Variants in TMEM220 observed in about 807,000 individuals in gnomAD.
TMEM220 encodes transmembrane protein 220.
Under a neutral mutation model 21.7 loss-of-function variants are expected in TMEM220, and 21 were observed. That is an observed-to-expected ratio of 0.97 (90% CI 0.69 to 1.39). The LOEUF (loss-of-function observed/expected upper bound fraction) is 1.39, where lower values mean the gene tolerates loss of function less well. Among genes scored for constraint, TMEM220 ranks in the 40% most tolerant of loss-of-function variants. The pLI is 0.00. For missense variants in TMEM220, 191 were observed against 201.9 expected (o/e 0.95, Z 0.33); for synonymous variants, 80 against 73.6 (o/e 1.09, Z -0.45).
At chr17:10,726,113 C>T (rs959334339) in intron 3 of TMEM220, 91 bp downstream of exon 3, 7 of 1,021,802 alleles carry the variant, frequency 6.9e-6, no homozygotes, top group African/African-American at 1.6e-5. Context: ...TAGAGAGCCC[C>T]GTTTTACTCC....
chr17:10,720,499 A>G (rs920774860), intron 5 of TMEM220, among the ~76,000 whole-genome samples: 1 of 152,228 alleles, frequency 6.6e-6, no homozygotes, highest in South Asian at 2.1e-4. Flanking sequence ...CCACTGAAAA[A>G]TCATGGAAGG....
At position 10,730,002 on chromosome 17, in the gene TMEM220, C is replaced by T; in HGVS notation, c.-151G>A. ...GGGGACACTGCCGTGGCCGTCGCTC[C>T]GCCCGGGGGCGGGGAGCGAAGGGCG... is the stretch of plus-strand genomic sequence containing the variant. On this transcript the variant is annotated 5_prime_UTR_variant, in exon 1 of 6. Coordinates refer to ENST00000341871, the MANE Select transcript of TMEM220 (RefSeq NM_001004313.3). The T allele has an allele frequency of 9.3e-7, 1 of 1,074,120 alleles. No homozygotes were observed. The highest frequency in any genetic ancestry group is 1.1e-6 in the Non-Finnish European group (1 of 916,220). The allele number at this position is 1,074,120 out of a possible 1,614,324, so 66.5% of individuals were successfully genotyped here. A position where few individuals can be genotyped will look rare whatever the true frequency, so the allele number is the denominator to read the frequency against.
rs1008145739 is a variant in TMEM220, at chr17:10,713,696, T to C, written c.*1757A>G. 1 of 152,214 alleles carries C rather than the reference T, an allele frequency of 6.6e-6. No homozygotes were observed. The highest frequency in any genetic ancestry group is 2.4e-5 in the African/African-American group (1 of 41,454). 9.4% of individuals were successfully genotyped at this position (152,214 alleles called of 1,614,324 possible). On this transcript the variant is annotated 3_prime_UTR_variant, in exon 6 of 6. Transcript: ENST00000341871. ...ACCCTTAAGTTTCACTTTGACTGTT[T>C]TAATATCAACTAGATTTGTTTTCCC...
Position 10,717,053 on chromosome 17 carries a change from A to G in TMEM220, c.348-1465T>C, listed in dbSNP as rs184115832. On this transcript the variant is annotated intron_variant, in intron 5 of 5. Coordinates refer to ENST00000341871, the MANE Select transcript of TMEM220 (RefSeq NM_001004313.3). ...CTGATCCAGTGATCATACAAAATTC[A>G]CTTATTCTAGTAATTTTTTAGATTC... 4.6e-4 allele frequency among the ~76,000 whole-genome samples: 70 copies of G among 152,368 alleles called. 1 individual carries two copies. The highest frequency in any genetic ancestry group is 1.9e-4 in the Non-Finnish European group (13 of 68,032).
chr17:10,728,955 G>A (rs1459831943), intron 2 of TMEM220, 76 bp downstream of exon 2: 1 of 1,495,798 alleles, frequency 6.7e-7, no homozygotes, highest in Non-Finnish European at 9.3e-7. Flanking sequence ...GAGGGGTAAA[G>A]ACATAAAACC....
rs1189805164 is a variant in TMEM220 at position 10,714,898 on chromosome 17, G to C, written c.*555C>G. On this transcript the variant is annotated 3_prime_UTR_variant, in exon 6 of 6. Coordinates refer to ENST00000341871, the MANE Select transcript of TMEM220 (RefSeq NM_001004313.3). ...GATCATGCCACTGCACTCCAGCCTGGGCAATAGAGTGGGACTGTCTTAAAA... is the reference window on the plus strand; with the variant it reads ...GATCATGCCACTGCACTCCAGCCTGCGCAATAGAGTGGGACTGTCTTAAAA... 1 of 147,944 alleles carries C rather than the reference G, an allele frequency of 6.8e-6. No homozygotes were observed. Among genetic ancestry groups the C allele is most frequent in the African/African-American group, 2.6e-5 (1 of 38,796 alleles). 9.2% of individuals were successfully genotyped at this position (147,944 alleles called of 1,614,324 possible). A position where few individuals can be genotyped will look rare whatever the true frequency, so the allele number is the denominator to read the frequency against.
At chr17:10,721,293 TCACG>T (rs1443725857) in intron 5 of TMEM220, among the ~76,000 whole-genome samples, 1 of 152,144 alleles carries the variant, frequency 6.6e-6, no homozygotes, top group Non-Finnish European at 1.5e-5. Flanking sequence ...ACAATAACTG[TCACG>T]GACTGAAACA....
rs2074885877 is a variant in TMEM220 at position 10,714,539 on chromosome 17, C to T, written c.*914G>A. 1 of 152,332 alleles carries T rather than the reference C, an allele frequency of 6.6e-6. No homozygotes were observed. The highest frequency in any genetic ancestry group is 1.9e-4 in the East Asian group (1 of 5,184). The allele number at this position is 152,332 out of a possible 1,614,324, so 9.4% of individuals were successfully genotyped here. On this transcript the variant is annotated 3_prime_UTR_variant, in exon 6 of 6. Transcript: ENST00000341871. ...AATTCCTTTATTCTATCCAGCTTCC[C>T]TTTCTTTCCAAGACATGCCTGCTCA...
intron 5 of TMEM220, chr17:10,716,004 A>G: frequency 2.0e-6 from 1 of 504,124 alleles, no homozygotes; most frequent in East Asian, 4.8e-5. Context: ...CTGCCCTGAC[A>G]CAAAATGTTC....
intron 2 of TMEM220, among the ~76,000 whole-genome samples, chr17:10,727,192 AT>A (rs900650854): frequency 4.9e-4 from 61 of 125,630 alleles, no homozygotes; most frequent in African/African-American, 1.6e-3. Context: ...TTTTTTGGAG[AT>A]GGGGGGGGTC....
intron 2 of TMEM220, among the ~76,000 whole-genome samples, chr17:10,728,563 G>A (rs900985434): frequency 5.9e-5 from 9 of 152,126 alleles, no homozygotes; most frequent in African/African-American, 2.2e-4. Context: ...CACCCGCCTT[G>A]GCCTCCCAGA....
intron 2 of TMEM220, 113 bp downstream of exon 2, chr17:10,728,918 A>T: frequency 8.5e-7 from 1 of 1,177,872 alleles, no homozygotes. Flanking sequence ...TTTGATTTTT[A>T]AGTTTCTCAG....
intron 2 of TMEM220, 95 bp from the exon 3 acceptor site, chr17:10,726,359 G>A: frequency 1.0e-6 from 1 of 992,472 alleles, no homozygotes; most frequent in Non-Finnish European, 1.6e-6. Flanking sequence ...GATGAGATCA[G>A]TGGCTGCTGT....
intron 2 of TMEM220, among the ~76,000 whole-genome samples, chr17:10,727,950 C>T (rs896539598): frequency 3.3e-5 from 5 of 152,192 alleles, no homozygotes; most frequent in East Asian, 1.9e-4. Flanking sequence ...CACCTGAGGT[C>T]GAGAGTTCAA....
intron 3 of TMEM220, among the ~76,000 whole-genome samples, chr17:10,725,934 G>T (rs1017324841): frequency 6.6e-6 from 1 of 152,126 alleles, no homozygotes. Flanking sequence ...GAGAACATTC[G>T]AGCCCCACTA....
intron 5 of TMEM220, among the ~76,000 whole-genome samples, chr17:10,720,493 T>G (rs974936768): frequency 4.6e-5 from 7 of 152,162 alleles, no homozygotes; most frequent in Non-Finnish European, 8.8e-5. Flanking sequence ...TTTGCTCCAC[T>G]GAAAAATCAT....
chr17:10,716,482 C>A (rs1269842233), intron 5 of TMEM220: 1 of 668,654 alleles, frequency 1.5e-6, no homozygotes, highest in Non-Finnish European at 2.8e-6. Flanking sequence ...TTGTGCCCCA[C>A]GTAGTAGCGC....
chr17:10,711,197 AC>A, downstream of TMEM220: 1 of 1,411,664 alleles, frequency 7.1e-7, no homozygotes, highest in East Asian at 2.3e-5. Flanking sequence ...TCCCTCCTAA[AC>A]AAAAAAATAA....
chr17:10,715,816 G>A (rs142728901), intron 5 of TMEM220, among the ~76,000 whole-genome samples: 2 of 152,272 alleles, frequency 1.3e-5, no homozygotes, highest in Admixed American at 1.3e-4. Context: ...TTTTGAGGAA[G>A]AGAAGTCATT....
Sources: gnomAD v4.1 joint callset for allele counts (sites outside exome capture counted in the v4.1 genomes callset) on GRCh38, gnomAD v4.1.1 for gene constraint, MANE v1.5 for transcripts, NCBI Gene and HGNC (gene_info 2026-07-23, HGNC 2026-07-21) for gene names.